HOMER1: variants seen among roughly 807,000 people sequenced by gnomAD.
HOMER1 encodes the protein homer scaffold protein 1.
Under a neutral mutation model 48.9 loss-of-function variants are expected in HOMER1, and 3 were observed. That is an observed-to-expected ratio of 0.06 (90% confidence interval 0.03 to 0.16). The LOEUF (loss-of-function observed/expected upper bound fraction) is 0.16. HOMER1 is among the 10% of genes least tolerant of loss of function. The pLI is 1.00. For missense variants in HOMER1, 247 were observed against 411.4 expected (o/e 0.60, Z 3.46); for synonymous variants, 134 against 146.4 (o/e 0.92, Z 0.61).
chr5:79,466,626 G>A lies in HOMER1; in HGVS notation c.6-9608C>T, dbSNP rs867841456. On this transcript the variant is annotated intron_variant, in intron 1 of 8. Coordinates refer to ENST00000334082, the MANE Select transcript of HOMER1 (RefSeq NM_004272.5). ...TCCACTAACTCAAGCTAAATTCTGA[G>A]AACTGACAGTATATGCCTGGGAAAT... is the stretch of plus-strand genomic sequence containing the variant. Among the ~76,000 whole-genome samples, 7 of 152,018 alleles carry A rather than the reference G, an allele frequency of 4.6e-5. No individual in the cohort carries two copies. The Middle Eastern group carries it at 0.017, about 369-fold the overall frequency.
intron 1 of HOMER1, among the ~76,000 whole-genome samples, chr5:79,483,542 C>T (rs1752005182): frequency 6.6e-6 from 1 of 151,272 alleles, no homozygotes; most frequent in African/African-American, 2.4e-5. Flanking sequence ...TAAAGATTTT[C>T]TCAGACATAC....
At chr5:79,491,964 A>C (rs533084249) in intron 1 of HOMER1, among the ~76,000 whole-genome samples, 2 of 152,298 alleles carry the variant, frequency 1.3e-5, no homozygotes, top group East Asian at 3.9e-4. Flanking sequence ...TGTAGCCACT[A>C]CCTGGCTCTA....
In HOMER1 at chr5:79,512,972, G is replaced by T. The variant is rs1752982725; in HGVS notation, c.-198C>A. 1.7e-6 allele frequency: 1 copy of T among 587,414 alleles called. No homozygotes were observed. Among genetic ancestry groups the T allele is most frequent in the Non-Finnish European group, 3.0e-6 (1 of 330,528 alleles). 36.4% of individuals were successfully genotyped at this position (587,414 alleles called of 1,614,324 possible). ...ATTTCTCTCTTGTAAATACCAAAAC[G>T]TTCAAACAGAGGCGGCATTTGCTTA... On this transcript the variant is annotated 5_prime_UTR_variant, in exon 1 of 9. Transcript: ENST00000334082.
At chr5:79,437,088 A>G (rs1750602704) in intron 5 of HOMER1, among the ~76,000 whole-genome samples, 2 of 152,198 alleles carry the variant, frequency 1.3e-5, no homozygotes, top group Non-Finnish European at 2.9e-5. Context: ...AACAGAGAAA[A>G]ATCGTAGAGA....
At chr5:79,482,124 G>A (rs1210433602) in intron 1 of HOMER1, among the ~76,000 whole-genome samples, 1 of 152,096 alleles carries the variant, frequency 6.6e-6, no homozygotes, top group Admixed American at 6.6e-5. Flanking sequence ...GGAGGCTGAG[G>A]TGGGAGGACC....
chr5:79,493,880 C>A (rs1226621824), intron 1 of HOMER1, among the ~76,000 whole-genome samples: 2 of 152,200 alleles, frequency 1.3e-5, no homozygotes, highest in Non-Finnish European at 2.9e-5. Flanking sequence ...AAAGGAGAAG[C>A]AGACACATTT....
intron 5 of HOMER1, among the ~76,000 whole-genome samples, chr5:79,413,278 A>T (rs563085034): frequency 1.1e-4 from 16 of 152,334 alleles, no homozygotes; most frequent in African/African-American, 3.6e-4. Context: ...TCAGCAAAAG[A>T]CAGAAACACA....
rs1304127132 is a variant in HOMER1 at position 79,421,567 on chromosome 5, ATACTATGAGCACACACACACACAC to A, written c.527+17419_527+17442del. Among the ~76,000 whole-genome samples the A allele has an allele frequency of 3.3e-5, 5 of 151,596 alleles. No individual in the cohort carries two copies. In the East Asian group the frequency reaches 7.8e-4, roughly 24 times the overall value. Reference sequence around the variant, plus strand: ...TAAACTACCAGTTACATAATCAAGAATACTATGAGCACACACACACACACTAAACCCTGTTATTTTTCTTTTTTT... The same window carrying A: ...TAAACTACCAGTTACATAATCAAGAATAAACCCTGTTATTTTTCTTTTTTT... On this transcript the variant is annotated intron_variant, in intron 5 of 8. Transcript: ENST00000334082.
At chr5:79,503,585 A>T (rs1197463634) in intron 1 of HOMER1, among the ~76,000 whole-genome samples, 2 of 151,624 alleles carry the variant, frequency 1.3e-5, no homozygotes, top group African/African-American at 4.8e-5. Context: ...TCACGCCTGT[A>T]ATCTCAGCAC....
chr5:79,400,850 T>G (rs1183332631), intron 6 of HOMER1, among the ~76,000 whole-genome samples: 1 of 146,076 alleles, frequency 6.8e-6, no homozygotes, highest in Non-Finnish European at 1.5e-5. Context: ...GCTCAAGCAA[T>G]CCTTCCCACT....
chr5:79,378,219 T>C (rs1748825509), intron 8 of HOMER1, among the ~76,000 whole-genome samples: 1 of 81,596 alleles, frequency 1.2e-5, no homozygotes, highest in African/African-American at 9.1e-5. Context: ...TAAGACTCTG[T>C]CTCAAAAAAA....
chr5:79,472,628 AAGTT>A (rs1260940410), intron 1 of HOMER1, among the ~76,000 whole-genome samples: 1 of 151,520 alleles, frequency 6.6e-6, no homozygotes, highest in African/African-American at 2.4e-5. Context: ...TAAAAAAAAA[AAGTT>A]AGCCAGACAC....
intron 1 of HOMER1, among the ~76,000 whole-genome samples, chr5:79,499,308 C>G (rs1752509413): frequency 6.6e-6 from 1 of 152,084 alleles, no homozygotes; most frequent in Non-Finnish European, 1.5e-5. Context: ...ACAAAGCTGA[C>G]TGATGGAATT....
intron 8 of HOMER1, among the ~76,000 whole-genome samples, chr5:79,386,993 ACCTCCC>A (rs1749129671): frequency 3.2e-5 from 2 of 63,090 alleles, no homozygotes; most frequent in African/African-American, 1.3e-4. Context: ...CCCTCTCTGA[ACCTCCC>A]CCTCCCCCTT....
intron 1 of HOMER1, among the ~76,000 whole-genome samples, chr5:79,501,370 A>G (rs1752585067): frequency 6.6e-6 from 1 of 152,226 alleles, no homozygotes; most frequent in South Asian, 2.1e-4. Flanking sequence ...TCAACTGTTT[A>G]TGTTATTGAT....
chr5:79,384,631 T>C (rs1331450907), intron 8 of HOMER1, among the ~76,000 whole-genome samples: 1 of 152,152 alleles, frequency 6.6e-6, no homozygotes, highest in African/African-American at 2.4e-5. Context: ...AGGGAACTTT[T>C]CCTAACTTAT....
chr5:79,402,051 C>T lies in HOMER1; in HGVS notation c.532G>A (p.Ala178Thr). 1 of 1,612,118 alleles carries T rather than the reference C, an allele frequency of 6.2e-7. No homozygotes were observed. Among genetic ancestry groups the T allele is most frequent in the South Asian group, 1.1e-5 (1 of 90,936 alleles). The change falls in exon 6 of 9, where the codon GCA (alanine) becomes ACA (threonine). Residue 178 changes from alanine to threonine, a missense_variant. Ala to Thr is a moderately conservative substitution (Grantham distance 58). Around this residue, in one of 4 missense-constraint regions of HOMER1, gnomAD observed 94 missense variants for 112.4 expected, o/e 0.84. Transcript: ENST00000334082. Reference protein sequence around the residue: ...QNALPFSHSSAISKHWEAELA... With the variant: ...QNALPFSHSSTISKHWEAELA... ...TCAGCCTCCCAATGTTTGCTGATTG[C>T]TGAACTAAAATAAAACAAAAAGAAA...
intron 1 of HOMER1, among the ~76,000 whole-genome samples, chr5:79,462,579 A>C (rs112685019): frequency 8.5e-5 from 13 of 152,362 alleles, no homozygotes; most frequent in African/African-American, 3.1e-4. Flanking sequence ...GACATAAAGA[A>C]TTACTACATT....
chr5:79,435,954 G>A (rs559124987), intron 5 of HOMER1, among the ~76,000 whole-genome samples: 13 of 148,164 alleles, frequency 8.8e-5, no homozygotes, highest in African/African-American at 3.2e-4. Flanking sequence ...GTGAAACCCC[G>A]TCTCTACTAA....
Sources: allele counts gnomAD v4.1 joint callset (sites outside exome capture counted in the v4.1 genomes callset), GRCh38; gene constraint gnomAD v4.1.1; regional missense constraint gnomAD v4.1.1; transcripts MANE v1.5; gene names NCBI Gene and HGNC (gene_info 2026-07-23, HGNC 2026-07-21).